Variants in MYH14 observed in about 807,000 individuals in gnomAD.
MYH14 encodes myosin heavy chain 14, also known as myosin-14.
A neutral mutation model predicts 255.5 loss-of-function variants in MYH14; 123 were observed. The ratio of observed to expected loss-of-function variants is 0.48; its 90% confidence interval spans 0.42 to 0.56. The LOEUF (loss-of-function observed/expected upper bound fraction) is 0.56. Ranked by LOEUF, MYH14 falls within the 20% of genes least tolerant of loss-of-function variation. MYH14 has a pLI of 0.00. For synonymous variants in MYH14, 1,095 were observed against 1,161.2 expected (o/e 0.94, Z 1.16); for missense variants, 2,423 against 2,802.3 (o/e 0.86, Z 3.06).
At chr19:50,227,064 C>T (rs2033144118) in intron 8 of MYH14, 98 bp downstream of exon 8, 1 of 999,310 alleles carries the variant, frequency 1.0e-6, no homozygotes. Flanking sequence ...GACCCCTTAC[C>T]TGCTACTCAG....
rs582016 is a variant in MYH14 at position 50,308,711 on chromosome 19, G to A, written c.5788-294G>A. The A allele has an allele frequency of 0.91, 322,285 of 353,362 alleles. 147,360 individuals carry two copies. The highest frequency in any genetic ancestry group is 1 in the East Asian group (22,741 of 22,756). The allele number at this position is 353,362 out of a possible 1,614,324, so 21.9% of individuals were successfully genotyped here. A position where few individuals can be genotyped will look rare whatever the true frequency, so the allele number is the denominator to read the frequency against. On this transcript the variant is annotated intron_variant, in intron 41 of 42. Transcript: ENST00000642316. ...GGCTGAGGGGCTGGAACCTTGTCCCGGGGGTACTGGGGAGCCATGAAAGGA... is the reference window on the plus strand; with the variant it reads ...GGCTGAGGGGCTGGAACCTTGTCCCAGGGGTACTGGGGAGCCATGAAAGGA...
intron 27 of MYH14, among the ~76,000 whole-genome samples, chr19:50,273,551 G>A (rs2035391654): frequency 6.6e-6 from 1 of 151,642 alleles, no homozygotes; most frequent in South Asian, 2.1e-4. Context: ...CCATTTCGGA[G>A]ATGTTAAAAT....
In MYH14 at chr19:50,292,515, CT is replaced by C. The variant is rs372837337; in HGVS notation, c.5256+127del. 3,021 of 46,648 alleles carry C rather than the reference CT, an allele frequency of 0.065. 50 individuals are homozygous for C. The highest frequency in any genetic ancestry group is 0.087 in the Middle Eastern group (11 of 126). The allele number at this position is 46,648 out of a possible 1,614,324, so 2.9% of individuals were successfully genotyped here. A position where few individuals can be genotyped will look rare whatever the true frequency, so the allele number is the denominator to read the frequency against. Reference sequence around the variant, plus strand: ...AACCACAGGGTCCCTGGATGTGAAGCTGGGGAGGTGGGCGGGGCTAACCACA... The same window carrying C: ...AACCACAGGGTCCCTGGATGTGAAGCGGGGAGGTGGGCGGGGCTAACCACA... On this transcript the variant is annotated intron_variant, in intron 37 of 42. Transcript: ENST00000642316.
At chr19:50,212,748 CAGGTGTGGA>C (rs899126125) in intron 2 of MYH14, among the ~76,000 whole-genome samples, 42 of 152,236 alleles carry the variant, frequency 2.8e-4, no homozygotes, top group Admixed American at 2.2e-3. Flanking sequence ...CTTGTGGTGG[CAGGTGTGGA>C]ATTTGAATCG....
rs764770350 is a variant in MYH14, at chr19:50,252,138, C to T, written c.1831-501C>T. Among the ~76,000 whole-genome samples, 2 of 152,172 alleles carry T rather than the reference C, an allele frequency of 1.3e-5. No individual in the cohort carries two copies. Among genetic ancestry groups the T allele is most frequent in the African/African-American group, 2.4e-5 (1 of 41,438 alleles). On this transcript the variant is annotated intron_variant, in intron 15 of 42. Transcript: ENST00000642316. This position sits in a 1 kb window ranked among gnomAD's most constrained non-coding sequence, Gnocchi z 4.2. ...CCCTGTACCCAGCCCTCTGCTAGGC[C>T]GTGAGTCAGACCTGGGCCCTGCCCT...
At chr19:50,302,235 G>A (rs1490161050) in intron 40 of MYH14, among the ~76,000 whole-genome samples, 3 of 148,564 alleles carry the variant, frequency 2.0e-5, no homozygotes, top group African/African-American at 7.6e-5. Flanking sequence ...AGTGAGCTGT[G>A]ATCACAACAC....
chr19:50,208,514 AAGAG>A (rs112016606), intron 1 of MYH14, among the ~76,000 whole-genome samples: 3 of 151,962 alleles, frequency 2.0e-5, no homozygotes, highest in Non-Finnish European at 4.4e-5. Flanking sequence ...AAAAATAAAA[AAGAG>A]AGAGAGAATT....
At chr19:50,271,592 G>A (rs746570179) in intron 25 of MYH14, 46 bp downstream of exon 25, 2 of 1,582,708 alleles carry the variant, frequency 1.3e-6, no homozygotes, top group South Asian at 1.2e-5. Context: ...GGGGTGCATT[G>A]GTGGGTTAAT....
At position 50,262,200 on chromosome 19, in the gene MYH14, G is replaced by T. The variant is rs190703393; in HGVS notation, c.2585+565G>T. Among the ~76,000 whole-genome samples the T allele has an allele frequency of 2.8e-3, 431 of 152,264 alleles. 5 individuals carry two copies. Among genetic ancestry groups the T allele is most frequent in the African/African-American group, 9.9e-3 (410 of 41,546 alleles). On this transcript the variant is annotated intron_variant, in intron 21 of 42. Transcript: ENST00000642316. ...CAAGCTTGTGCAAAGACCCAACGAT[G>T]CAAGATCCTGGCACGCTTCAGGAAT...
chr19:50,252,792 G>C lies in MYH14; in HGVS notation c.1945+39G>C, dbSNP rs1429257036. The stretch of plus-strand genomic sequence containing the variant: ...TCCCCCACCCCGGCTCTAGGGGTCT[G>C]TGCGGCCATTCTCCAAATCCACAGC... On this transcript the variant is annotated intron_variant, in intron 16 of 42. Coordinates refer to ENST00000642316, the MANE Select transcript of MYH14 (RefSeq NM_001145809.2). The surrounding 1 kb of genome is among the most constrained non-coding windows in gnomAD (Gnocchi z 4.2). 2.8e-6 allele frequency: 4 copies of C among 1,423,726 alleles called. No homozygotes were observed. Among genetic ancestry groups the C allele is most frequent in the South Asian group, 1.2e-5 (1 of 81,320 alleles). The allele number at this position is 1,423,726 out of a possible 1,614,324, so 88.2% of individuals were successfully genotyped here.
Position 50,255,269 on chromosome 19 carries a change from G to A in MYH14, c.1995G>A (p.Ser665=), listed in dbSNP as rs876657514. ...QFSFLGSFPP[S]PPGSAERCSS... ...CTTTCCTTGGCTCCTTCCCACCGTCGCCCCCAGGATCTGCAGAGAGGTGCA... is the reference window on the plus strand; with the variant it reads ...CTTTCCTTGGCTCCTTCCCACCGTCACCCCCAGGATCTGCAGAGAGGTGCA... Residue 665 remains serine (S), a synonymous_variant, in exon 17 of 43, where the codon TCG becomes TCA. Coordinates refer to ENST00000642316, the MANE Select transcript of MYH14 (RefSeq NM_001145809.2). 2.0e-5 allele frequency: 31 copies of A among 1,551,142 alleles called. No homozygotes were observed. In the East Asian group the frequency reaches 2.9e-4, roughly 15 times the overall value.
At position 50,210,738 on chromosome 19, in the gene MYH14, C is replaced by T. The variant is rs781767217; in HGVS notation, c.373C>T (p.Leu125Phe). ...CLNEASVLHN[L>F]RERYYSGLIY... is the part of the protein sequence containing the mutation. The stretch of plus-strand genomic sequence containing the variant: ...CAACGAGGCCTCGGTCCTGCACAAC[C>T]TCCGGGAGCGGTACTACTCCGGCCT... Residue 125 changes from leucine (L) to phenylalanine (F), a missense_variant, in exon 2 of 43, where the codon CTC becomes TTC. Coordinates refer to ENST00000642316, the MANE Select transcript of MYH14 (RefSeq NM_001145809.2). 1 of 1,580,664 alleles carries T rather than the reference C, an allele frequency of 6.3e-7. No individual in the cohort carries two copies. Among genetic ancestry groups the T allele is most frequent in the Admixed American group, 1.8e-5 (1 of 55,082 alleles).
intron 7 of MYH14, among the ~76,000 whole-genome samples, chr19:50,226,662 A>G (rs2033120933): frequency 6.6e-6 from 1 of 151,956 alleles, no homozygotes; most frequent in African/African-American, 2.4e-5. Context: ...GCCTAGTTCC[A>G]AGGGAGGAGC....
intron 24 of MYH14, among the ~76,000 whole-genome samples, chr19:50,269,626 T>C (rs1208125796): frequency 6.6e-6 from 1 of 152,212 alleles, no homozygotes; most frequent in African/African-American, 2.4e-5. Flanking sequence ...CACATGGATG[T>C]TGCCCTCAAG....
intron 41 of MYH14, among the ~76,000 whole-genome samples, chr19:50,307,610 T>G (rs1208647210): frequency 3.3e-5 from 5 of 152,096 alleles, no homozygotes; most frequent in Admixed American, 6.5e-5. Context: ...TGGTAAGAGG[T>G]GGGGTCAGTA....
At chr19:50,260,785 G>A (rs904216476) in intron 20 of MYH14, 70 bp downstream of exon 20, 62 of 1,166,504 alleles carry the variant, frequency 5.3e-5, no homozygotes, top group Non-Finnish European at 7.0e-5. Flanking sequence ...GCGTGCATGT[G>A]TGTGTGCATG....
chr19:50,302,663 G>C (rs570871033), intron 40 of MYH14, among the ~76,000 whole-genome samples: 4 of 152,272 alleles, frequency 2.6e-5, no homozygotes, highest in Admixed American at 1.3e-4. Context: ...CACTTTGGGA[G>C]GCTGAGGCGG....
At chr19:50,269,459 G>C (rs888913992) in intron 24 of MYH14, among the ~76,000 whole-genome samples, 3 of 152,210 alleles carry the variant, frequency 2.0e-5, no homozygotes, top group Non-Finnish European at 4.4e-5. Context: ...TGGGATTACA[G>C]GCGTGAGCCA....
At chr19:50,242,738 C>T (rs1267223905) in intron 10 of MYH14, among the ~76,000 whole-genome samples, 1 of 152,180 alleles carries the variant, frequency 6.6e-6, no homozygotes, top group Non-Finnish European at 1.5e-5. Flanking sequence ...GAAATCAGTA[C>T]TCCTGGTGTG....
Sources: allele counts gnomAD v4.1 joint callset (sites outside exome capture counted in the v4.1 genomes callset), GRCh38; gene constraint gnomAD v4.1.1; non-coding constraint Gnocchi (gnomAD v3.1); transcripts MANE v1.5; gene names NCBI Gene and HGNC (gene_info 2026-07-23, HGNC 2026-07-21).